PCDH15: variants seen among roughly 807,000 people sequenced by gnomAD.
PCDH15 encodes protocadherin related 15.
In PCDH15, 129 loss-of-function variants were observed where a neutral mutation model predicts 178.5. The ratio of observed to expected loss-of-function variants is 0.72; its 90% CI spans 0.63 to 0.84. The LOEUF (loss-of-function observed/expected upper bound fraction) is 0.84, where lower values mean the gene tolerates loss of function less well. Ranked by LOEUF, PCDH15 falls within the 40% of genes least tolerant of loss-of-function variation. The probability of loss-of-function intolerance (pLI) is 0.00; values close to 1 mark genes in which losing one functional copy is unlikely to be tolerated. For missense variants in PCDH15, 2,230 were observed against 2,099.9 expected, an observed-to-expected ratio of 1.06 and a Z score of -1.21; for synonymous variants, 800 against 732.0, an observed-to-expected ratio of 1.09 and a Z score of -1.50.
intron 2 of PCDH15, among the ~76,000 whole-genome samples, chr10:55,128,066 G>A (rs532627065): frequency 6.6e-5 from 10 of 151,966 alleles, no homozygotes; most frequent in African/African-American, 2.4e-4. Flanking sequence ...TTTAGAGAGT[G>A]TAGATACTGG....
chr10:55,159,365 C>CTATA (rs1181041481), intron 2 of PCDH15, among the ~76,000 whole-genome samples: 154 of 17,248 alleles, frequency 8.9e-3, no homozygotes, highest in African/African-American at 0.016. Context: ...ATCTATCTAT[C>CTATA]TATCTATATA....
chr10:54,833,824 G>C, intron 3 of PCDH15, among the ~76,000 whole-genome samples: 1 of 152,146 alleles, frequency 6.6e-6, no homozygotes, highest in Non-Finnish European at 1.5e-5. Flanking sequence ...GTCTTAGTTC[G>C]TGGGAGCCTG....
intron 35 of PCDH15, 116 bp from the exon 36 acceptor site, chr10:53,811,735 CTT>C: frequency 1.8e-6 from 1 of 553,064 alleles, no homozygotes; most frequent in Non-Finnish European, 3.1e-6. Context: ...GCCAAAATAA[CTT>C]TAAATACAAG....
intron 25 of PCDH15, among the ~76,000 whole-genome samples, chr10:53,908,324 C>T (rs780063650): frequency 3.3e-5 from 5 of 152,118 alleles, no homozygotes; most frequent in Non-Finnish European, 7.4e-5. Flanking sequence ...AGTTAAATAA[C>T]AAGAGAAAGA....
At chr10:55,156,509 A>G (rs190496717) in intron 2 of PCDH15, among the ~76,000 whole-genome samples, 3 of 152,078 alleles carry the variant, frequency 2.0e-5, no homozygotes, top group African/African-American at 7.2e-5. Flanking sequence ...CATGAGGACA[A>G]ATTTATTTTA....
At chr10:54,031,997 G>A (rs543562354) in intron 18 of PCDH15, among the ~76,000 whole-genome samples, 31 of 151,930 alleles carry the variant, frequency 2.0e-4, no homozygotes, top group African/African-American at 7.5e-4. Context: ...AGTATAGGTT[G>A]AGTGTGTATA....
chr10:53,856,637 C>T (rs2078763073), intron 28 of PCDH15, among the ~76,000 whole-genome samples: 1 of 152,086 alleles, frequency 6.6e-6, no homozygotes, highest in African/African-American at 2.4e-5. Flanking sequence ...TTCTCATATG[C>T]AGCATTTTGA....
chr10:54,990,030 C>T (rs1196272142), intron 2 of PCDH15, among the ~76,000 whole-genome samples: 1 of 152,140 alleles, frequency 6.6e-6, no homozygotes, highest in Non-Finnish European at 1.5e-5. Context: ...GTGACTTGCT[C>T]CTCCTTGTCT....
chr10:55,151,583 A>C (rs758490255), intron 2 of PCDH15, among the ~76,000 whole-genome samples: 1 of 152,072 alleles, frequency 6.6e-6, no homozygotes, highest in Non-Finnish European at 1.5e-5. Context: ...CAATAAGATG[A>C]TACTTCACTG....
At chr10:55,362,328 C>G (rs1314854624) in intron 2 of PCDH15, among the ~76,000 whole-genome samples, 9 of 152,092 alleles carry the variant, frequency 5.9e-5, no homozygotes, top group Non-Finnish European at 1.3e-4. Context: ...ATGGCACATT[C>G]ATACCATGCC....
At chr10:55,471,395 G>A (rs1277761074) in intron 2 of PCDH15, among the ~76,000 whole-genome samples, 1 of 152,156 alleles carries the variant, frequency 6.6e-6, no homozygotes, top group African/African-American at 2.4e-5. Context: ...TATAATTTAT[G>A]AATAAGTCAT....
intron 21 of PCDH15, among the ~76,000 whole-genome samples, chr10:53,968,053 C>T (rs1364025854): frequency 6.6e-6 from 1 of 152,120 alleles, no homozygotes; most frequent in African/African-American, 2.4e-5. Flanking sequence ...CAGGGTGGGG[C>T]ATTGCCTCAC....
chr10:55,056,538 C>G (rs1278266571), intron 2 of PCDH15, among the ~76,000 whole-genome samples: 2 of 151,220 alleles, frequency 1.3e-5, no homozygotes, highest in Non-Finnish European at 2.9e-5. Context: ...CATTTTCTCT[C>G]TCTCTACCTC....
chr10:53,821,699 T>C, intron 32 of PCDH15: 2 of 1,434,114 alleles, frequency 1.4e-6, no homozygotes, highest in East Asian at 2.5e-5. Context: ...TTAGTAGTGA[T>C]GAGGTTAATA....
At chr10:55,044,192 G>A (rs1252223126) in intron 2 of PCDH15, among the ~76,000 whole-genome samples, 1 of 152,006 alleles carries the variant, frequency 6.6e-6, no homozygotes, top group East Asian at 1.9e-4. Flanking sequence ...AACAACTATG[G>A]TAATACTACC....
chr10:54,690,966 G>A (rs2095110768), intron 1 of PCDH15, among the ~76,000 whole-genome samples: 1 of 151,986 alleles, frequency 6.6e-6, no homozygotes, highest in South Asian at 2.1e-4. Context: ...TGTAGCTTAT[G>A]ACTTACAAAT....
intron 2 of PCDH15, among the ~76,000 whole-genome samples, chr10:55,488,843 G>GT (rs1256148705): frequency 6.6e-6 from 1 of 151,358 alleles, no homozygotes. Flanking sequence ...AGCCTAAAAA[G>GT]TTTGTTTTTA....
chr10:54,203,158 T>C (rs1387275570), intron 10 of PCDH15, among the ~76,000 whole-genome samples: 1 of 152,170 alleles, frequency 6.6e-6, no homozygotes, highest in Non-Finnish European at 1.5e-5. Flanking sequence ...TGGAGTCTAG[T>C]AACTGAAACT....
At chr10:54,197,948 A>G (rs1300130094) in intron 10 of PCDH15, among the ~76,000 whole-genome samples, 1 of 152,206 alleles carries the variant, frequency 6.6e-6, no homozygotes, top group African/African-American at 2.4e-5. Context: ...ATCTCTATTT[A>G]GATAATATGC....
Sources: gnomAD v4.1 joint callset for allele counts (sites outside exome capture counted in the v4.1 genomes callset) on GRCh38, gnomAD v4.1.1 for gene constraint, MANE v1.5 for transcripts, NCBI Gene and HGNC (gene_info 2026-07-23, HGNC 2026-07-21) for gene names.